FLT1: variants seen among roughly 807,000 people sequenced by gnomAD.
The protein encoded by FLT1 is vascular endothelial growth factor receptor 1.
In FLT1, 49 loss-of-function variants were observed where a neutral mutation model predicts 156.3. The ratio of observed to expected loss-of-function variants is 0.31; its 90% confidence interval spans 0.25 to 0.40. The LOEUF (loss-of-function observed/expected upper bound fraction) is 0.40, where lower values mean the gene tolerates loss of function less well. Ranked by LOEUF, FLT1 falls within the 10% of genes least tolerant of loss-of-function variation. The pLI is 1.00. For synonymous variants in FLT1, 594 were observed against 583.8 expected (o/e 1.02, Z -0.25); for missense variants, 1,322 against 1,637.2 (o/e 0.81, Z 3.32).
At chr13:28,444,584 A>G (rs1878508623) in intron 3 of FLT1, among the ~76,000 whole-genome samples, 1 of 152,248 alleles carries the variant, frequency 6.6e-6, no homozygotes, top group South Asian at 2.1e-4. Flanking sequence ...CCTCAAGTGC[A>G]CATGAAACAT....
intron 14 of FLT1, among the ~76,000 whole-genome samples, chr13:28,364,385 T>C (rs1873213879): frequency 6.6e-6 from 1 of 152,198 alleles, no homozygotes; most frequent in Non-Finnish European, 1.5e-5. Flanking sequence ...CCATGGTGAA[T>C]TTTTAATACA....
At chr13:28,480,704 T>C (rs924789343) in intron 1 of FLT1, among the ~76,000 whole-genome samples, 2 of 152,184 alleles carry the variant, frequency 1.3e-5, no homozygotes, top group East Asian at 1.9e-4. Flanking sequence ...AGAACTCTTG[T>C]TTTCCTCAGC....
intron 22 of FLT1, 57 bp from the exon 23 acceptor site, chr13:28,321,642 C>T (rs1414274784): frequency 1.7e-5 from 26 of 1,560,042 alleles, no homozygotes; most frequent in African/African-American, 5.4e-5. Context: ...AACTAATTTC[C>T]TACACCTGTC....
At chr13:28,390,584 G>A (rs940640327) in intron 12 of FLT1, among the ~76,000 whole-genome samples, 1 of 152,054 alleles carries the variant, frequency 6.6e-6, no homozygotes, top group African/African-American at 2.4e-5. Context: ...TTTGGTGGGG[G>A]TGATATTTCA....
chr13:28,473,069 T>C (rs1169719796), intron 1 of FLT1, among the ~76,000 whole-genome samples: 1 of 152,148 alleles, frequency 6.6e-6, no homozygotes, highest in Non-Finnish European at 1.5e-5. Flanking sequence ...TCATGCCGAC[T>C]GGGAAAGCTT....
Position 28,317,442 on chromosome 13 carries a change from A to G in FLT1, c.3386+56T>C, listed in dbSNP as rs970977374. On this transcript the variant is annotated intron_variant, in intron 25 of 29. Transcript: ENST00000282397. ...ATCCATAAAACATCCCCTCTCAGGA[A>G]TGCCCTGGTGAAAAGCGAGCTGTCA... The G allele has an allele frequency of 2.4e-5, 26 of 1,064,870 alleles. No individual in the cohort carries two copies. The Admixed American group carries it at 2.9e-4, about 12-fold the overall frequency. The allele number at this position is 1,064,870 out of a possible 1,614,324, so 66.0% of individuals were successfully genotyped here.
intron 14 of FLT1, among the ~76,000 whole-genome samples, chr13:28,360,119 GA>G (rs1198962940): frequency 2.6e-5 from 4 of 151,904 alleles, no homozygotes; most frequent in African/African-American, 9.6e-5. Flanking sequence ...CAAAAAACAA[GA>G]AAAAAACCAA....
chr13:28,489,959 A>T (rs924866858), intron 1 of FLT1, among the ~76,000 whole-genome samples: 4 of 152,228 alleles, frequency 2.6e-5, no homozygotes, highest in African/African-American at 9.6e-5. Context: ...AAAAGATGTC[A>T]TTTCGAAAGA....
At chr13:28,317,341 T>G (rs1417214991) in intron 25 of FLT1, among the ~76,000 whole-genome samples, 157 bp downstream of exon 25, 13 of 152,190 alleles carry the variant, frequency 8.5e-5, no homozygotes, top group Admixed American at 8.5e-4. Flanking sequence ...CCAGCATATC[T>G]GGGCCTGATG....
intron 13 of FLT1, chr13:28,387,567 G>A (rs991517364): frequency 9.4e-7 from 1 of 1,063,968 alleles, no homozygotes; most frequent in South Asian, 4.6e-5. Flanking sequence ...TCACTTTTCA[G>A]TGTTATGGCC....
At chr13:28,352,516 C>T in intron 15 of FLT1, among the ~76,000 whole-genome samples, 1 of 152,184 alleles carries the variant, frequency 6.6e-6, no homozygotes, top group East Asian at 1.9e-4. Context: ...TATTTTGCCT[C>T]AAGAACTCTC....
intron 17 of FLT1, among the ~76,000 whole-genome samples, chr13:28,334,831 AAT>A (rs950170121): frequency 1.3e-5 from 2 of 152,044 alleles, no homozygotes; most frequent in Admixed American, 1.3e-4. Flanking sequence ...AATGACTGTT[AAT>A]ATGTTTCTTT....
At chr13:28,486,055 T>C (rs1327363852) in intron 1 of FLT1, among the ~76,000 whole-genome samples, 1 of 152,240 alleles carries the variant, frequency 6.6e-6, no homozygotes, top group Non-Finnish European at 1.5e-5. Flanking sequence ...CAGATCCAAA[T>C]GGCTATTGTG....
At chr13:28,318,860 G>A (rs1003364297) in intron 24 of FLT1, among the ~76,000 whole-genome samples, 4 of 152,182 alleles carry the variant, frequency 2.6e-5, no homozygotes, top group East Asian at 1.9e-4. Context: ...GCCACCCATA[G>A]TGGATGTTAT....
At chr13:28,379,317 G>A (rs1357389865) in intron 14 of FLT1, among the ~76,000 whole-genome samples, 1 of 152,210 alleles carries the variant, frequency 6.6e-6, no homozygotes, top group Non-Finnish European at 1.5e-5. Flanking sequence ...TTGAGCGACA[G>A]CGCAAGACTC....
intron 24 of FLT1, among the ~76,000 whole-genome samples, chr13:28,319,203 T>A (rs1295670712): frequency 6.6e-6 from 1 of 152,180 alleles, no homozygotes; most frequent in Non-Finnish European, 1.5e-5. Flanking sequence ...TACATGACCT[T>A]GTTCTGACCT....
At position 28,494,694 on chromosome 13, in the gene FLT1, T is replaced by C. The variant is rs967939878; in HGVS notation, c.64+86A>G. ...CGGGCTACAGCCTCGTCTCCCCGCG[T>C]GCACCCCGCCCTGGCCTCGGAGGCT... On this transcript the variant is annotated intron_variant, in intron 1 of 29. Coordinates refer to ENST00000282397, the MANE Select transcript of FLT1 (RefSeq NM_002019.4). 40 of 1,049,134 alleles carry C rather than the reference T, an allele frequency of 3.8e-5. No homozygotes were observed. In the Admixed American group the frequency reaches 6.1e-4, roughly 16 times the overall value. The allele number at this position is 1,049,134 out of a possible 1,614,324, so 65.0% of individuals were successfully genotyped here. A position where few individuals can be genotyped will look rare whatever the true frequency, so the allele number is the denominator to read the frequency against.
rs1430623561 is a variant in FLT1, at chr13:28,405,987, T to C, written c.1437-93A>G. On this transcript the variant is annotated intron_variant, in intron 10 of 29. Coordinates refer to ENST00000282397, the MANE Select transcript of FLT1 (RefSeq NM_002019.4). Reference sequence around the variant, plus strand: ...TGAAAACTTGGTGTAAGTCCTCAGATAACAAAGTCACAAATTTTATGTGTG... The same window carrying C: ...TGAAAACTTGGTGTAAGTCCTCAGACAACAAAGTCACAAATTTTATGTGTG... 11 of 742,604 alleles carry C rather than the reference T, an allele frequency of 1.5e-5. No homozygotes were observed. In the Admixed American group the frequency reaches 1.7e-4, roughly 11 times the overall value. 46.0% of individuals were successfully genotyped at this position (742,604 alleles called of 1,614,324 possible).
Position 28,474,424 on chromosome 13 carries a change from C to T in FLT1, c.65-6807G>A, listed in dbSNP as rs564586297. On this transcript the variant is annotated intron_variant, in intron 1 of 29. Coordinates refer to ENST00000282397, the MANE Select transcript of FLT1 (RefSeq NM_002019.4). ...GAGCTGAGATTGCACCACTGCACTCCAGCCCTGGGCGACAGAAACTCTGTC... is the reference window on the plus strand; with the variant it reads ...GAGCTGAGATTGCACCACTGCACTCTAGCCCTGGGCGACAGAAACTCTGTC... 1.6e-4 allele frequency among the ~76,000 whole-genome samples: 25 copies of T among 151,852 alleles called. No individual in the cohort carries two copies. The South Asian group carries it at 5.2e-3, about 32-fold the overall frequency.
Sources: allele counts gnomAD v4.1 joint callset (sites outside exome capture counted in the v4.1 genomes callset), GRCh38; gene constraint gnomAD v4.1.1; transcripts MANE v1.5; gene names NCBI Gene and HGNC (gene_info 2026-07-23, HGNC 2026-07-21).